ZMYM2: variants seen among roughly 807,000 people sequenced by gnomAD.
ZMYM2 encodes the protein zinc finger MYM-type protein 2.
ZMYM2 carries 56 observed loss-of-function variants against 162.8 expected under a neutral mutation model. That is an observed-to-expected ratio of 0.34 (90% CI 0.28 to 0.43). The LOEUF is 0.43. Among genes scored for constraint, ZMYM2 ranks in the 20% least tolerant of loss-of-function variants. ZMYM2 has a pLI of 1.00. For synonymous variants in ZMYM2, 510 were observed against 541.6 expected (o/e 0.94, Z 0.81); for missense variants, 1,275 against 1,621.8 (o/e 0.79, Z 3.67).
chr13:20,083,116 G>C, intron 23 of ZMYM2, 84 bp downstream of exon 23: 1 of 1,366,924 alleles, frequency 7.3e-7, no homozygotes, highest in African/African-American at 1.5e-5. Context: ...AGGCTGGAGT[G>C]CAGTGGTGCA....
the ZMYM2 span, among the ~76,000 whole-genome samples, chr13:19,926,924 T>C: frequency 6.6e-6 from 1 of 152,196 alleles, no homozygotes; most frequent in African/African-American, 2.4e-5. Context: ...TGCTTCAGTC[T>C]CCCAAAGTGC....
chr13:19,910,120 G>C, the ZMYM2 span, among the ~76,000 whole-genome samples: 1 of 151,812 alleles, frequency 6.6e-6, no homozygotes, highest in East Asian at 1.9e-4. Context: ...CCAGCTACTC[G>C]GGAGGCTGAG....
the ZMYM2 span, among the ~76,000 whole-genome samples, chr13:19,930,491 GTTCTGT>G: frequency 1.3e-5 from 2 of 151,746 alleles, no homozygotes; most frequent in Admixed American, 1.3e-4. Flanking sequence ...GTTGTGCCCT[GTTCTGT>G]TTCTAATATT....
At chr13:19,883,743 T>C in the ZMYM2 span, among the ~76,000 whole-genome samples, 6 of 152,188 alleles carry the variant, frequency 3.9e-5, no homozygotes. Context: ...TTTGTAATAT[T>C]CTCATGGTAT....
chr13:20,061,348 TAACAAA>T, intron 17 of ZMYM2, 124 bp downstream of exon 17: 1 of 961,752 alleles, frequency 1.0e-6, no homozygotes, highest in South Asian at 3.9e-5. Flanking sequence ...GAAAGCATTG[TAACAAA>T]AATGTTTTTT....
At chr13:19,965,703 G>A (rs1294095468) in intron 2 of ZMYM2, among the ~76,000 whole-genome samples, 7 of 148,834 alleles carry the variant, frequency 4.7e-5, no homozygotes, top group African/African-American at 1.5e-4. Context: ...ACTTTTTTTC[G>A]TTCCAGGCTT....
In ZMYM2 at chr13:20,026,465, G is replaced by T; in HGVS notation, c.1585-147G>T. On this transcript the variant is annotated intron_variant, in intron 7 of 24. Transcript: ENST00000610343. ...GCAGTTGTTGCATAGTTAATAGTTTGTATGTAGATGAAGACTCATGACTCT... is the reference window on the plus strand; with the variant it reads ...GCAGTTGTTGCATAGTTAATAGTTTTTATGTAGATGAAGACTCATGACTCT... 3 of 670,542 alleles carry T rather than the reference G, an allele frequency of 4.5e-6. No individual in the cohort carries two copies. The South Asian group carries it at 7.4e-5, about 16-fold the overall frequency. The allele number at this position is 670,542 out of a possible 1,614,324, so 41.5% of individuals were successfully genotyped here. A position where few individuals can be genotyped will look rare whatever the true frequency, so the allele number is the denominator to read the frequency against.
At chr13:19,948,610 G>A in the ZMYM2 span, among the ~76,000 whole-genome samples, 31 of 152,338 alleles carry the variant, frequency 2.0e-4, no homozygotes, top group African/African-American at 6.7e-4. Context: ...AGGGCAGGGA[G>A]AGAGATAGGA....
chr13:19,916,368 G>A, the ZMYM2 span, among the ~76,000 whole-genome samples: 9 of 152,196 alleles, frequency 5.9e-5, no homozygotes, highest in African/African-American at 1.4e-4. Context: ...CTGGGTATAT[G>A]CCCAAAGGAT....
chr13:19,917,596 T>TAAA, the ZMYM2 span, among the ~76,000 whole-genome samples: 2 of 133,200 alleles, frequency 1.5e-5, no homozygotes, highest in Non-Finnish European at 3.1e-5. Flanking sequence ...ATCTCAAATT[T>TAAA]AAAAAAAAAA....
chr13:19,925,677 G>A, the ZMYM2 span, among the ~76,000 whole-genome samples: 7 of 151,454 alleles, frequency 4.6e-5, no homozygotes, highest in Admixed American at 2.6e-4. Flanking sequence ...GTTCCAGACC[G>A]GCCTGGCCAA....
chr13:19,884,368 G>A, the ZMYM2 span, among the ~76,000 whole-genome samples: 120,845 of 151,898 alleles, frequency 0.8, 50,892 homozygotes, highest in East Asian at 0.92. Flanking sequence ...GACGTCAGTA[G>A]ATCGAGACGG....
At chr13:19,888,995 C>T in the ZMYM2 span, among the ~76,000 whole-genome samples, 1 of 151,976 alleles carries the variant, frequency 6.6e-6, no homozygotes, top group African/African-American at 2.4e-5. Flanking sequence ...ATAGTGCCAC[C>T]TTCTGTTGTT....
intron 2 of ZMYM2, among the ~76,000 whole-genome samples, chr13:19,985,078 ACTTTC>A (rs1949023354): frequency 6.6e-6 from 1 of 152,190 alleles, no homozygotes; most frequent in South Asian, 2.1e-4. Flanking sequence ...TTGATCAGGT[ACTTTC>A]CTTATGACAA....
the ZMYM2 span, among the ~76,000 whole-genome samples, chr13:19,881,841 G>A: frequency 6.6e-6 from 1 of 151,848 alleles, no homozygotes; most frequent in Non-Finnish European, 1.5e-5. Flanking sequence ...AAAATCAGCT[G>A]GGTGTGGTTG....
At chr13:19,929,564 T>C in the ZMYM2 span, among the ~76,000 whole-genome samples, 2 of 152,216 alleles carry the variant, frequency 1.3e-5, no homozygotes, top group South Asian at 4.1e-4. Flanking sequence ...AATGTGGTGA[T>C]TAATATTTAG....
chr13:20,010,020 G>T (rs1951043913), intron 6 of ZMYM2, among the ~76,000 whole-genome samples: 1 of 152,136 alleles, frequency 6.6e-6, no homozygotes, highest in Non-Finnish European at 1.5e-5. Context: ...TATGTTCTCA[G>T]CAGCAATGTA....
chr13:19,978,754 A>T (rs1179108052), intron 2 of ZMYM2, among the ~76,000 whole-genome samples: 1 of 150,780 alleles, frequency 6.6e-6, no homozygotes, highest in Non-Finnish European at 1.5e-5. Context: ...TATATCATAT[A>T]AAAAAATTAA....
intron 2 of ZMYM2, among the ~76,000 whole-genome samples, chr13:19,962,961 C>CA (rs1955411199): frequency 1.3e-5 from 2 of 151,846 alleles, no homozygotes; most frequent in East Asian, 3.9e-4. Flanking sequence ...GCTGGGACTA[C>CA]AGGCACGTGC....
Sources: allele counts gnomAD v4.1 joint callset (sites outside exome capture counted in the v4.1 genomes callset), GRCh38; gene constraint gnomAD v4.1.1; transcripts MANE v1.5; gene names NCBI Gene and HGNC (gene_info 2026-07-23, HGNC 2026-07-21).